The following RERG variants were observed in gnomAD, a reference collection of about 807,000 sequenced individuals.
The protein encoded by RERG is ras-related and estrogen-regulated growth inhibitor.
In RERG, 25 loss-of-function variants were observed where a neutral mutation model predicts 23.2. That is an observed-to-expected ratio of 1.08 (90% confidence interval 0.79 to 1.50). The LOEUF is 1.50. RERG is among the 40% of genes most tolerant of loss of function. The probability of loss-of-function intolerance (pLI) is 0.00; values close to 1 mark genes in which losing one functional copy is unlikely to be tolerated. For missense variants in RERG, 253 were observed against 250.1 expected, an observed-to-expected ratio of 1.01 and a Z score of -0.08; for synonymous variants, 81 against 89.1, an observed-to-expected ratio of 0.91 and a Z score of 0.51.
At chr12:15,166,529 G>GTGGT (rs1324573217) in intron 2 of RERG, among the ~76,000 whole-genome samples, 8 of 151,464 alleles carry the variant, frequency 5.3e-5, no homozygotes, top group African/African-American at 1.9e-4. Context: ...GGTGATGGTG[G>GTGGT]TGGTGGTGGT....
intron 2 of RERG, among the ~76,000 whole-genome samples, chr12:15,206,793 T>C (rs1865297548): frequency 6.6e-6 from 1 of 152,148 alleles, no homozygotes; most frequent in South Asian, 2.1e-4. Context: ...ATTCATATCT[T>C]GGAATAAATG....
intron 2 of RERG, among the ~76,000 whole-genome samples, chr12:15,158,007 G>A (rs1169547963): frequency 1.3e-5 from 2 of 151,820 alleles, no homozygotes; most frequent in Non-Finnish European, 2.9e-5. Flanking sequence ...GAAACATTTT[G>A]CCTCCTTACA....
At chr12:15,177,351 G>A (rs545254503) in intron 2 of RERG, among the ~76,000 whole-genome samples, 1 of 152,314 alleles carries the variant, frequency 6.6e-6, no homozygotes, top group Non-Finnish European at 1.5e-5. Flanking sequence ...TACATGGGAG[G>A]GTGAGGCAGG....
intron 2 of RERG, among the ~76,000 whole-genome samples, chr12:15,147,229 T>A (rs913166386): frequency 1.1e-4 from 17 of 152,202 alleles, no homozygotes; most frequent in African/African-American, 4.1e-4. Flanking sequence ...TTGGCCTTGG[T>A]TTGCAGAATT....
intron 2 of RERG, among the ~76,000 whole-genome samples, chr12:15,135,725 C>T (rs940306040): frequency 2.6e-5 from 4 of 151,972 alleles, no homozygotes; most frequent in Admixed American, 6.6e-5. Flanking sequence ...GAATGTCAAC[C>T]GGTCTTGCAT....
intron 2 of RERG, among the ~76,000 whole-genome samples, chr12:15,214,844 G>A (rs138238650): frequency 3.0e-4 from 45 of 152,086 alleles, no homozygotes; most frequent in African/African-American, 8.7e-4. Flanking sequence ...GAGACCCAGT[G>A]TCTTAAAATA....
At chr12:15,132,454 A>G (rs1336224081) in intron 2 of RERG, among the ~76,000 whole-genome samples, 1 of 152,234 alleles carries the variant, frequency 6.6e-6, no homozygotes, top group East Asian at 1.9e-4. Context: ...AATGAAGAAC[A>G]TCATGGTTGC....
At chr12:15,175,339 G>GTGTGTGTGTGTGTT (rs1864834450) in intron 2 of RERG, among the ~76,000 whole-genome samples, 1 of 90,196 alleles carries the variant, frequency 1.1e-5, no homozygotes, top group African/African-American at 4.3e-5. Flanking sequence ...GGCTCTGTGT[G>GTGTGTGTGTGTGTT]TGTGTGTGTG....
At chr12:15,218,159 A>T (rs1228053229) in intron 1 of RERG, 2 of 152,278 alleles carry the variant, frequency 1.3e-5, no homozygotes, top group Non-Finnish European at 2.9e-5. Flanking sequence ...CTAGGAATCA[A>T]TATATAATAC....
At chr12:15,209,773 A>T (rs938588744) in intron 2 of RERG, among the ~76,000 whole-genome samples, 1 of 152,212 alleles carries the variant, frequency 6.6e-6, no homozygotes, top group African/African-American at 2.4e-5. Flanking sequence ...ATCTGAGAAG[A>T]TGTGGAAAAT....
chr12:15,158,969 C>A (rs1864564339), intron 2 of RERG, among the ~76,000 whole-genome samples: 1 of 152,134 alleles, frequency 6.6e-6, no homozygotes, highest in Non-Finnish European at 1.5e-5. Context: ...ATGTAAATAT[C>A]CTGATCCTCA....
chr12:15,211,091 T>A (rs959027756), intron 2 of RERG, among the ~76,000 whole-genome samples: 27 of 152,288 alleles, frequency 1.8e-4, no homozygotes, highest in African/African-American at 5.3e-4. Flanking sequence ...AAGCTCTGCA[T>A]CCACATGGGC....
chr12:15,143,673 T>A (rs1472712972), intron 2 of RERG, among the ~76,000 whole-genome samples: 1 of 152,140 alleles, frequency 6.6e-6, no homozygotes, highest in East Asian at 1.9e-4. Flanking sequence ...CCCTCAAGCT[T>A]CATGGTCCTT....
intron 2 of RERG, among the ~76,000 whole-genome samples, chr12:15,134,605 T>C (rs971126827): frequency 6.6e-6 from 1 of 152,042 alleles, no homozygotes; most frequent in Non-Finnish European, 1.5e-5. Context: ...ATATAAACTT[T>C]TTATTTTTCT....
Position 15,108,651 on chromosome 12 carries a change from A to G in RERG, c.*459T>C, listed in dbSNP as rs1230312072. ...TTCAGAAAATCCTCACTTCAAACAG[A>G]AACTAGAGTTCCTTCTATTTCCTGT... On this transcript the variant is annotated 3_prime_UTR_variant, in exon 5 of 5. Coordinates refer to ENST00000256953, the MANE Select transcript of RERG (RefSeq NM_032918.3). 1.3e-5 allele frequency: 2 copies of G among 153,164 alleles called. No individual in the cohort carries two copies. The highest frequency in any genetic ancestry group is 4.8e-5 in the African/African-American group (2 of 41,480). 9.5% of individuals were successfully genotyped at this position (153,164 alleles called of 1,614,324 possible). A position where few individuals can be genotyped will look rare whatever the true frequency, so the allele number is the denominator to read the frequency against.
intron 2 of RERG, among the ~76,000 whole-genome samples, chr12:15,187,266 G>C (rs370384837): frequency 1.3e-5 from 2 of 152,076 alleles, no homozygotes; most frequent in African/African-American, 4.8e-5. Flanking sequence ...CACTACTCTT[G>C]TTGGAAAGCA....
chr12:15,154,185 A>C (rs1864486821), intron 2 of RERG: 1 of 152,232 alleles, frequency 6.6e-6, no homozygotes, highest in Admixed American at 6.5e-5. Flanking sequence ...AGGCAGTGCT[A>C]GCAAACTAGT....
intron 2 of RERG, among the ~76,000 whole-genome samples, chr12:15,185,889 G>GA (rs1369078167): frequency 6.6e-6 from 1 of 151,468 alleles, no homozygotes; most frequent in East Asian, 1.9e-4. Flanking sequence ...AGACTGATTA[G>GA]AAAAAAGAAC....
At chr12:15,156,144 G>C (rs138913737) in intron 2 of RERG, among the ~76,000 whole-genome samples, 114 of 152,106 alleles carry the variant, frequency 7.5e-4, no homozygotes, top group African/African-American at 2.6e-3. Flanking sequence ...TCACATTAAT[G>C]ATGACGAAAA....
Sources: gnomAD v4.1 joint callset for allele counts (sites outside exome capture counted in the v4.1 genomes callset) on GRCh38, gnomAD v4.1.1 for gene constraint, MANE v1.5 for transcripts, NCBI Gene and HGNC (gene_info 2026-07-23, HGNC 2026-07-21) for gene names.